Variants in C12orf54 observed in about 807,000 individuals in gnomAD.
C12orf54 encodes the protein uncharacterized protein C12orf54.
Under a neutral mutation model 26.4 loss-of-function variants are expected in C12orf54, and 24 were observed. That is an observed-to-expected ratio of 0.91 (90% confidence interval 0.66 to 1.28). The LOEUF is 1.28. C12orf54 is among the 50% of genes most tolerant of loss of function. The pLI, the probability that C12orf54 is intolerant of heterozygous loss-of-function variation, is 0.00. For synonymous variants in C12orf54, 54 were observed against 47.0 expected, an observed-to-expected ratio of 1.15 and a Z score of -0.61; for missense variants, 154 against 150.9, an observed-to-expected ratio of 1.02 and a Z score of -0.11.
the C12orf54 span, among the ~76,000 whole-genome samples, chr12:48,452,445 A>C: frequency 2.5e-4 from 38 of 152,220 alleles, no homozygotes; most frequent in African/African-American, 8.9e-4. Flanking sequence ...CATGACAAAG[A>C]TGCTAAAAGC....
the C12orf54 span, among the ~76,000 whole-genome samples, chr12:48,465,087 A>G: frequency 1.3e-5 from 2 of 152,234 alleles, no homozygotes; most frequent in African/African-American, 2.4e-5. Context: ...TAAACTAAAG[A>G]GCTTCTGTAC....
intron 2 of C12orf54, among the ~76,000 whole-genome samples, chr12:48,483,684 G>T (rs12298768): frequency 6.5e-4 from 99 of 152,266 alleles, no homozygotes; most frequent in African/African-American, 2.3e-3. Flanking sequence ...GTAAATCAAG[G>T]TCAACCATCT....
At chr12:48,481,974 G>A (rs1954203698), upstream of C12orf54, among the ~76,000 whole-genome samples, 2 of 152,168 alleles carry the variant, frequency 1.3e-5, no homozygotes, top group African/African-American at 2.4e-5. Flanking sequence ...AGGTCCCAGA[G>A]TTGCACACCT....
the C12orf54 span, among the ~76,000 whole-genome samples, chr12:48,435,011 GA>G: frequency 1.3e-5 from 2 of 151,652 alleles, no homozygotes; most frequent in African/African-American, 4.8e-5. Flanking sequence ...TAAAAACTTT[GA>G]AAAAAAATTA....
chr12:48,418,925 G>T, the C12orf54 span, among the ~76,000 whole-genome samples: 1 of 134,470 alleles, frequency 7.4e-6, no homozygotes, highest in Non-Finnish European at 1.6e-5. Context: ...ATTTTCTCCA[G>T]AAAAAAAAAA....
the C12orf54 span, among the ~76,000 whole-genome samples, chr12:48,419,221 G>A: frequency 2.6e-5 from 4 of 152,154 alleles, no homozygotes; most frequent in Non-Finnish European, 5.9e-5. Context: ...ACCAGAGAAG[G>A]CAGCAGGATA....
intron 6 of C12orf54, among the ~76,000 whole-genome samples, chr12:48,491,209 C>T (rs1297140656): frequency 6.6e-6 from 1 of 152,166 alleles, no homozygotes; most frequent in African/African-American, 2.4e-5. Flanking sequence ...CTGGGATATC[C>T]TAGATCAAGG....
chr12:48,454,913 C>A, the C12orf54 span, among the ~76,000 whole-genome samples: 1 of 152,182 alleles, frequency 6.6e-6, no homozygotes, highest in Non-Finnish European at 1.5e-5. Flanking sequence ...GTTTTGACTA[C>A]TGCAAGTTTC....
At chr12:48,483,575 T>A in intron 2 of C12orf54, 2 of 515,668 alleles carry the variant, frequency 3.9e-6, no homozygotes, top group East Asian at 6.6e-5. Flanking sequence ...AAATCAGGCA[T>A]CAATTGCAAT....
chr12:48,456,896 A>C, the C12orf54 span, among the ~76,000 whole-genome samples: 5 of 152,176 alleles, frequency 3.3e-5, no homozygotes, highest in Non-Finnish European at 4.4e-5. Flanking sequence ...AAAAGTGTGC[A>C]TCTTCAAATC....
chr12:48,463,097 C>A, the C12orf54 span, among the ~76,000 whole-genome samples: 1 of 151,836 alleles, frequency 6.6e-6, no homozygotes, highest in Non-Finnish European at 1.5e-5. Flanking sequence ...ATACTAGGAA[C>A]AACCGAAACT....
chr12:48,461,619 A>G, the C12orf54 span, among the ~76,000 whole-genome samples: 1 of 151,864 alleles, frequency 6.6e-6, no homozygotes, highest in Non-Finnish European at 1.5e-5. Flanking sequence ...AAACTAACGT[A>G]TATCTCAATA....
chr12:48,413,254 G>A, the C12orf54 span, among the ~76,000 whole-genome samples: 1 of 152,108 alleles, frequency 6.6e-6, no homozygotes, highest in African/African-American at 2.4e-5. Flanking sequence ...TGCCCTACAT[G>A]CCCTCTAATA....
the C12orf54 span, among the ~76,000 whole-genome samples, chr12:48,463,883 CCT>C: frequency 6.6e-6 from 1 of 152,010 alleles, no homozygotes; most frequent in East Asian, 1.9e-4. Context: ...AATTCAACCC[CCT>C]TTCATGTTAA....
chr12:48,472,646 T>C, the C12orf54 span: 7 of 1,613,810 alleles, frequency 4.3e-6, no homozygotes, highest in African/African-American at 6.7e-5. Context: ...CAGGAGCCTC[T>C]GCAGAGAAAG....
chr12:48,478,831 A>T (rs960431932), upstream of C12orf54, among the ~76,000 whole-genome samples: 2 of 152,216 alleles, frequency 1.3e-5, no homozygotes, highest in African/African-American at 4.8e-5. Flanking sequence ...ATCTCACACC[A>T]GTTAGAATGG....
At chr12:48,445,139 C>T in the C12orf54 span, among the ~76,000 whole-genome samples, 2 of 152,004 alleles carry the variant, frequency 1.3e-5, no homozygotes, top group African/African-American at 2.4e-5. Flanking sequence ...TGCCACTGCA[C>T]TCCAGCCTGG....
chr12:48,433,754 A>G, the C12orf54 span, among the ~76,000 whole-genome samples: 14 of 152,154 alleles, frequency 9.2e-5, no homozygotes, highest in African/African-American at 3.4e-4. Context: ...GCCAGCCAGA[A>G]GCTTTTAAAA....
Position 48,486,202 on chromosome 12 carries a change from AC to A in C12orf54, c.92del (p.Pro31HisfsTer6). 1 of 1,610,756 alleles carries A rather than the reference AC, an allele frequency of 6.2e-7. No individual in the cohort carries two copies. The highest frequency in any genetic ancestry group is 8.5e-7 in the Non-Finnish European group (1 of 1,176,900). On this transcript the variant is annotated frameshift_variant, in exon 3 of 9. Transcript: ENST00000548364. LOFTEE classifies it high-confidence loss of function. ...GCACATCCATAGAAGAGACAATGAGACCACAGGTGGGTAAGGTATCCAAATT... is the reference window on the plus strand; with the variant it reads ...GCACATCCATAGAAGAGACAATGAGACACAGGTGGGTAAGGTATCCAAATT... ...RSTSIEETMR[P>X]QEKQVTITET...
Sources: allele counts gnomAD v4.1 joint callset (sites outside exome capture counted in the v4.1 genomes callset), GRCh38; gene constraint gnomAD v4.1.1; transcripts MANE v1.5; gene names NCBI Gene and HGNC (gene_info 2026-07-23, HGNC 2026-07-21).